The following SCAPER variants were observed in gnomAD, a reference collection of about 807,000 sequenced individuals.
SCAPER encodes S-phase cyclin A associated protein in the ER.
A neutral mutation model predicts 182.2 loss-of-function variants in SCAPER; 98 were observed. The ratio of observed to expected loss-of-function variants is 0.54; its 90% confidence interval spans 0.46 to 0.64. The LOEUF is 0.64. SCAPER is among the 30% of genes least tolerant of loss of function. SCAPER has a pLI of 0.00. For missense variants in SCAPER, 1,432 were observed against 1,690.0 expected, an observed-to-expected ratio of 0.85 and a Z score of 2.68; for synonymous variants, 605 against 564.6, an observed-to-expected ratio of 1.07 and a Z score of -1.01.
chr15:76,850,209 T>C (rs1263516486), intron 4 of SCAPER, among the ~76,000 whole-genome samples: 1 of 152,122 alleles, frequency 6.6e-6, no homozygotes. Context: ...TATGAAACCA[T>C]CCAGAATGGA....
At chr15:76,605,987 A>C (rs550707255) in intron 22 of SCAPER, among the ~76,000 whole-genome samples, 1 of 152,098 alleles carries the variant, frequency 6.6e-6, no homozygotes, top group African/African-American at 2.4e-5. Context: ...GGATTCATTG[A>C]TTTTTTGAAG....
chr15:76,883,263 T>C (rs2073670892), intron 2 of SCAPER, among the ~76,000 whole-genome samples: 1 of 152,130 alleles, frequency 6.6e-6, no homozygotes, highest in Non-Finnish European at 1.5e-5. Flanking sequence ...GGACTCCATG[T>C]ATACCTCCAT....
intron 20 of SCAPER, among the ~76,000 whole-genome samples, chr15:76,668,957 G>T (rs983130691): frequency 2.0e-5 from 3 of 152,074 alleles, no homozygotes; most frequent in South Asian, 4.1e-4. Flanking sequence ...AACTTAGAAG[G>T]TATATATTTT....
chr15:76,902,721 G>GTTGTT (rs1242572801), intron 1 of SCAPER, among the ~76,000 whole-genome samples: 2 of 152,134 alleles, frequency 1.3e-5, no homozygotes, highest in African/African-American at 4.8e-5. Flanking sequence ...TCCCAAAGAA[G>GTTGTT]TTGTTTATCC....
chr15:76,615,889 G>A (rs141343626), intron 22 of SCAPER, among the ~76,000 whole-genome samples: 25 of 150,640 alleles, frequency 1.7e-4, no homozygotes, highest in East Asian at 3.9e-4. Flanking sequence ...ATCACTAATC[G>A]TTAGGTAAAT....
intron 27 of SCAPER, 36 bp downstream of exon 27, chr15:76,404,488 A>G: frequency 6.4e-7 from 1 of 1,557,916 alleles, no homozygotes; most frequent in Admixed American, 1.8e-5. Flanking sequence ...ATGTTCCAAA[A>G]GTTGAGTCTA....
intron 15 of SCAPER, among the ~76,000 whole-genome samples, chr15:76,743,764 C>A (rs2061664329): frequency 6.6e-6 from 1 of 152,120 alleles, no homozygotes. Context: ...CAGTGGCATT[C>A]TTCACAAAAT....
chr15:76,854,953 C>G (rs1415682988), intron 4 of SCAPER, among the ~76,000 whole-genome samples: 2 of 150,746 alleles, frequency 1.3e-5, no homozygotes, highest in Non-Finnish European at 2.9e-5. Context: ...GCCTGGGTGA[C>G]AGAGCGAGAC....
intron 21 of SCAPER, among the ~76,000 whole-genome samples, chr15:76,647,078 T>G (rs972183267): frequency 1.3e-5 from 2 of 152,226 alleles, no homozygotes; most frequent in African/African-American, 4.8e-5. Context: ...CAATCTCATC[T>G]AATTCTTCCA....
At chr15:76,763,120 C>T (rs1464936617) in intron 14 of SCAPER, among the ~76,000 whole-genome samples, 2 of 152,140 alleles carry the variant, frequency 1.3e-5, no homozygotes, top group African/African-American at 4.8e-5. Context: ...TTAAAGAACT[C>T]CATTAGCATT....
In SCAPER at chr15:76,687,794, T is replaced by C. The variant is rs535628248; in HGVS notation, c.2508+13964A>G. Among the ~76,000 whole-genome samples the C allele has an allele frequency of 2.6e-5, 4 of 152,366 alleles. No homozygotes were observed. The East Asian group carries it at 7.7e-4, about 29-fold the overall frequency. On this transcript the variant is annotated intron_variant, in intron 20 of 31. Transcript: ENST00000563290. ...CTCATCCTTTTTTATGGCTGCATAA[T>C]ATTCCATGGTGTGCATATGCCACCT...
At chr15:76,369,954 G>A (rs2042038783) in intron 29 of SCAPER, among the ~76,000 whole-genome samples, 2 of 152,188 alleles carry the variant, frequency 1.3e-5, no homozygotes, top group Non-Finnish European at 2.9e-5. Context: ...TCACCTGTAA[G>A]AAGTCTGCTT....
At chr15:76,438,898 G>A (rs529122346) in intron 25 of SCAPER, among the ~76,000 whole-genome samples, 89 of 152,224 alleles carry the variant, frequency 5.8e-4, no homozygotes, top group South Asian at 1.2e-3. Context: ...TTTTTGGTCT[G>A]TCTCAAAGGA....
chr15:76,471,707 T>C (rs2050185589), intron 24 of SCAPER, among the ~76,000 whole-genome samples: 1 of 152,204 alleles, frequency 6.6e-6, no homozygotes, highest in South Asian at 2.1e-4. Flanking sequence ...TCAAAGCTTC[T>C]GTTGCCAGAT....
intron 1 of SCAPER, among the ~76,000 whole-genome samples, chr15:76,901,559 T>C (rs1051227158): frequency 2.0e-5 from 3 of 152,220 alleles, no homozygotes; most frequent in East Asian, 1.9e-4. Flanking sequence ...ATTTTTGAAA[T>C]AGATTGATAC....
At chr15:76,361,265 T>G (rs555696149) in intron 29 of SCAPER, among the ~76,000 whole-genome samples, 2 of 152,218 alleles carry the variant, frequency 1.3e-5, no homozygotes, top group South Asian at 2.1e-4. Flanking sequence ...TGTGACCACA[T>G]GGAATTCAGT....
rs116863858 is a variant in SCAPER, at chr15:76,821,791, C to T, written c.394-17158G>A. ...AGGCATGGTGACGCATGACTGTAGT[C>T]CCAGCTACTCAGGAGGCTGAGGTGG... On this transcript the variant is annotated intron_variant, in intron 5 of 31. Coordinates refer to ENST00000563290, the MANE Select transcript of SCAPER (RefSeq NM_020843.4). 6.9e-3 allele frequency among the ~76,000 whole-genome samples: 1,045 copies of T among 152,130 alleles called. 8 individuals are homozygous for T. Among genetic ancestry groups the T allele is most frequent in the Non-Finnish European group, 8.9e-3 (602 of 67,988 alleles).
At chr15:76,546,643 C>CCT (rs139483801) in intron 23 of SCAPER, among the ~76,000 whole-genome samples, 4 of 147,680 alleles carry the variant, frequency 2.7e-5, no homozygotes, top group Non-Finnish European at 6.0e-5. Context: ...TCTCTCTCTC[C>CCT]CTCTCTCTCT....
intron 25 of SCAPER, among the ~76,000 whole-genome samples, chr15:76,468,147 C>G (rs2049837618): frequency 6.6e-6 from 1 of 152,050 alleles, no homozygotes; most frequent in Non-Finnish European, 1.5e-5. Flanking sequence ...TGAAAATACA[C>G]TCAAGTGATT....
Sources: allele counts gnomAD v4.1 joint callset (sites outside exome capture counted in the v4.1 genomes callset), GRCh38; gene constraint gnomAD v4.1.1; transcripts MANE v1.5; gene names NCBI Gene and HGNC (gene_info 2026-07-23, HGNC 2026-07-21).